The following ITGB6 variants were observed in gnomAD, a reference collection of about 807,000 sequenced individuals.
The protein encoded by ITGB6 is integrin subunit beta 6.
Under a neutral mutation model 84.5 loss-of-function variants are expected in ITGB6, and 80 were observed. That is an observed-to-expected ratio of 0.95 (90% CI 0.79 to 1.14). ITGB6 has a LOEUF of 1.14. ITGB6 is among the 50% of genes most tolerant of loss of function. The pLI is 0.00. For synonymous variants in ITGB6, 383 were observed against 354.9 expected, an observed-to-expected ratio of 1.08 and a Z score of -0.89; for missense variants, 1,006 against 968.0, an observed-to-expected ratio of 1.04 and a Z score of -0.52.
rs140575384 is a variant in ITGB6 at position 160,196,247 on chromosome 2, C to A, written c.315G>T (p.Ala105=). 4 of 1,613,930 alleles carry A rather than the reference C, an allele frequency of 2.5e-6. No homozygotes were observed. Among genetic ancestry groups the A allele is most frequent in the Admixed American group, 1.7e-5 (1 of 60,004 alleles). ...TCAACTTAAGGATCAAGCTTTGAGG[C>A]GCAATCTGAACAATGTCAGAACTAT... is the stretch of plus-strand genomic sequence containing the variant. ...QKNSSDIVQI[A]PQSLILKLRP... Residue 105 remains alanine, a synonymous_variant, in exon 3 of 15, where the codon GCG becomes GCT. Coordinates refer to ENST00000283249, the MANE Select transcript of ITGB6 (RefSeq NM_000888.5).
intron 4 of ITGB6, among the ~76,000 whole-genome samples, chr2:160,194,767 C>G (rs1686268127): frequency 6.6e-6 from 1 of 152,106 alleles, no homozygotes; most frequent in African/African-American, 2.4e-5. Flanking sequence ...TCCACCATCA[C>G]CTGCATAATG....
intron 7 of ITGB6, among the ~76,000 whole-genome samples, chr2:160,144,293 C>T (rs1328892490): frequency 6.6e-6 from 1 of 152,184 alleles, no homozygotes; most frequent in East Asian, 1.9e-4. Flanking sequence ...AGGTAACAGT[C>T]CTTACCTTAC....
intron 8 of ITGB6, among the ~76,000 whole-genome samples, chr2:160,138,672 T>G (rs1374691301): frequency 6.6e-6 from 1 of 152,204 alleles, no homozygotes; most frequent in Non-Finnish European, 1.5e-5. Flanking sequence ...ATCAGCTGTT[T>G]GTTGCTTTGC....
At position 160,137,707 on chromosome 2, in the gene ITGB6, T is replaced by A. The variant is rs1437561442; in HGVS notation, c.1387A>T (p.Asn463Tyr). 3.7e-6 allele frequency: 6 copies of A among 1,614,196 alleles called. No individual in the cohort carries two copies. The highest frequency in any genetic ancestry group is 5.1e-6 in the Non-Finnish European group (6 of 1,180,040). ...NCDCQKEVEV[N>Y]SSKCHHGNGS... ...TTCCCGTGGTGACATTTGGAGCTGT[T>A]CACTTCCACTTCTTTCTGACAGTCG... The change falls in exon 10 of 15, where the codon AAC becomes TAC. Residue 463 changes from asparagine (N) to tyrosine (Y), a missense_variant. By Grantham distance (143) the Asn-to-Tyr change is moderately radical (BLOSUM62 -2). Coordinates refer to ENST00000283249, the MANE Select transcript of ITGB6 (RefSeq NM_000888.5).
In ITGB6 at chr2:160,195,623, G is replaced by A. The variant is rs1268604216; in HGVS notation, c.347-8C>T. On this transcript the variant is annotated splice_region_variant and splice_polypyrimidine_tract_variant and intron_variant, in intron 3 of 14. Transcript: ENST00000283249. ...GCAGAGTCTGCGCACCACCTGCAAA[G>A]CCCAACAGGAAAAGCAAACCCAGGA... 2 of 1,613,412 alleles carry A rather than the reference G, an allele frequency of 1.2e-6. No homozygotes were observed. Among genetic ancestry groups the A allele is most frequent in the Non-Finnish European group, 1.7e-6 (2 of 1,179,708 alleles).
At chr2:160,176,618 GC>G (rs1277166317) in intron 4 of ITGB6, among the ~76,000 whole-genome samples, 2 of 152,172 alleles carry the variant, frequency 1.3e-5, no homozygotes, top group Non-Finnish European at 2.9e-5. Context: ...AAAGAATACA[GC>G]ACGATGAGCT....
intron 4 of ITGB6, among the ~76,000 whole-genome samples, chr2:160,184,319 T>C (rs1020404781): frequency 1.3e-5 from 2 of 152,078 alleles, no homozygotes; most frequent in Non-Finnish European, 2.9e-5. Flanking sequence ...CCCACAGAAA[T>C]ACAAAGTACC....
In ITGB6 at chr2:160,123,785, C is replaced by A; in HGVS notation, c.1981+6G>T. ...GAAATGAAAAACAATTTAAGACAAG[C>A]AGAACCTTCTTCTTCACTGATGGTC... On this transcript the variant is annotated splice_donor_region_variant and intron_variant, in intron 12 of 14. Coordinates refer to ENST00000283249, the MANE Select transcript of ITGB6 (RefSeq NM_000888.5). 6.2e-7 allele frequency: 1 copy of A among 1,609,264 alleles called. No individual in the cohort carries two copies. The highest frequency in any genetic ancestry group is 2.2e-5 in the East Asian group (1 of 44,846).
rs969238026 is a variant in ITGB6, at chr2:160,120,098, A to T, written c.1981+3693T>A. ...TGTAAACTAGTTCAACCATTGTGGA[A>T]GTCAGTGTGGCGATTCCTCAGGGAT... On this transcript the variant is annotated intron_variant, in intron 12 of 14. Coordinates refer to ENST00000283249, the MANE Select transcript of ITGB6 (RefSeq NM_000888.5). Among the ~76,000 whole-genome samples, 186 of 151,786 alleles carry T rather than the reference A, an allele frequency of 1.2e-3. 1 individual carries two copies. Among genetic ancestry groups the T allele is most frequent in the African/African-American group, 3.9e-3 (162 of 41,450 alleles).
chr2:160,136,279 A>T (rs113516318), intron 10 of ITGB6, among the ~76,000 whole-genome samples: 45,014 of 152,076 alleles, frequency 0.3, 8,330 homozygotes, highest in Non-Finnish European at 0.41. Flanking sequence ...ACATTTATGC[A>T]GCCAAAAGAC....
intron 10 of ITGB6, among the ~76,000 whole-genome samples, chr2:160,131,125 T>G (rs146010019): frequency 1.3e-3 from 193 of 152,272 alleles, no homozygotes; most frequent in Non-Finnish European, 2.0e-3. Flanking sequence ...AGGGACAAGA[T>G]GATAACCAAA....
rs1038033516 is a variant in ITGB6, at chr2:160,195,274, A to G, written c.593+95T>C. On this transcript the variant is annotated intron_variant, in intron 4 of 14. Transcript: ENST00000283249. ...TCCAACCAGACAAGGCAGAAATGCC[A>G]GGGAGTTAGCAAGCTCCTGGCAAGT... The G allele has an allele frequency of 3.4e-6, 5 of 1,489,680 alleles. No homozygotes were observed. The African/African-American group carries it at 7.0e-5, about 21-fold the overall frequency. 92.3% of individuals were successfully genotyped at this position (1,489,680 alleles called of 1,614,324 possible).
At chr2:160,165,344 A>T (rs1030368677) in intron 7 of ITGB6, among the ~76,000 whole-genome samples, 1 of 152,220 alleles carries the variant, frequency 6.6e-6, no homozygotes, top group East Asian at 1.9e-4. Context: ...CTTCCCGCCC[A>T]GTCTTTTTTA....
intron 13 of ITGB6, among the ~76,000 whole-genome samples, chr2:160,108,691 G>T (rs1697005784): frequency 6.6e-6 from 1 of 152,158 alleles, no homozygotes; most frequent in Non-Finnish European, 1.5e-5. Context: ...CCGATTCTGT[G>T]TTATTAAATA....
At chr2:160,144,559 C>T (rs894974552) in intron 7 of ITGB6, among the ~76,000 whole-genome samples, 30 of 152,168 alleles carry the variant, frequency 2.0e-4, no homozygotes, top group Non-Finnish European at 4.1e-4. Flanking sequence ...GGGAACCTTT[C>T]GCGCTTGACA....
intron 14 of ITGB6, among the ~76,000 whole-genome samples, chr2:160,106,472 G>T (rs1021398162): frequency 6.6e-6 from 1 of 152,094 alleles, no homozygotes; most frequent in Non-Finnish European, 1.5e-5. Context: ...GAGCTCAAGT[G>T]ATCCAATCCT....
chr2:160,177,887 T>G (rs1685493043), intron 4 of ITGB6, among the ~76,000 whole-genome samples: 1 of 151,968 alleles, frequency 6.6e-6, no homozygotes, highest in Non-Finnish European at 1.5e-5. Context: ...TCTATCTTAT[T>G]TTTTTGGAGA....
At chr2:160,155,189 C>G (rs569067916) in intron 7 of ITGB6, among the ~76,000 whole-genome samples, 1 of 152,230 alleles carries the variant, frequency 6.6e-6, no homozygotes, top group East Asian at 1.9e-4. Context: ...CCAGGTAGTT[C>G]TCTATAGCAA....
intron 8 of ITGB6, among the ~76,000 whole-genome samples, chr2:160,141,186 CT>C: frequency 6.6e-6 from 1 of 151,522 alleles, no homozygotes; most frequent in Middle Eastern, 3.4e-3. Flanking sequence ...AAAAAATTTA[CT>C]TTTTTTCATT....
Sources: gnomAD v4.1 joint callset for allele counts (sites outside exome capture counted in the v4.1 genomes callset) on GRCh38, gnomAD v4.1.1 for gene constraint, MANE v1.5 for transcripts, NCBI Gene and HGNC (gene_info 2026-07-23, HGNC 2026-07-21) for gene names.